SLIT3: variants seen among roughly 807,000 people sequenced by gnomAD.
SLIT3 encodes slit homolog 3 protein.
In SLIT3, 68 loss-of-function variants were observed where a neutral mutation model predicts 184.0. That is an observed-to-expected ratio of 0.37 (90% CI 0.30 to 0.45). The LOEUF is 0.45. Ranked by LOEUF, SLIT3 falls within the 20% of genes least tolerant of loss-of-function variation. The pLI, the probability that SLIT3 is intolerant of heterozygous loss-of-function variation, is 1.00. For missense variants in SLIT3, 1,707 were observed against 2,026.0 expected (o/e 0.84, Z 3.02); for synonymous variants, 831 against 828.6 (o/e 1.00, Z -0.05).
At chr5:168,973,961 C>G (rs1347541194) in intron 4 of SLIT3, among the ~76,000 whole-genome samples, 1 of 152,150 alleles carries the variant, frequency 6.6e-6, no homozygotes, top group African/African-American at 2.4e-5. Context: ...GCTAATGGAG[C>G]TCTCATGAAA....
intron 4 of SLIT3, among the ~76,000 whole-genome samples, chr5:169,042,004 C>T (rs919941018): frequency 2.0e-5 from 3 of 152,204 alleles, no homozygotes; most frequent in Non-Finnish European, 4.4e-5. Context: ...AGGCACTTCT[C>T]TGCAAGAGTG....
At chr5:169,163,308 G>A (rs2112193) in intron 4 of SLIT3, among the ~76,000 whole-genome samples, 43,023 of 151,856 alleles carry the variant, frequency 0.28, 6,609 homozygotes, top group East Asian at 0.5. Flanking sequence ...GCCACCGTGC[G>A]AGGAAAAAAA....
At chr5:169,154,344 G>A (rs1220152839) in intron 4 of SLIT3, among the ~76,000 whole-genome samples, 2 of 152,132 alleles carry the variant, frequency 1.3e-5, no homozygotes, top group African/African-American at 2.4e-5. Context: ...ACTTCTAATT[G>A]TACTTCCCTA....
chr5:169,034,002 C>T (rs755563048), intron 4 of SLIT3, among the ~76,000 whole-genome samples: 6 of 151,780 alleles, frequency 4.0e-5, no homozygotes, highest in Admixed American at 2.6e-4. Context: ...TTAGTAGAGA[C>T]GGGTTTTCAC....
At chr5:168,714,295 A>G (rs1227279225) in intron 23 of SLIT3, among the ~76,000 whole-genome samples, 6 of 152,200 alleles carry the variant, frequency 3.9e-5, no homozygotes, top group East Asian at 1.9e-4. Flanking sequence ...ACCCAGCTTT[A>G]TTGTTAGTCA....
At chr5:168,964,433 G>T (rs373059563) in intron 4 of SLIT3, among the ~76,000 whole-genome samples, 1 of 152,172 alleles carries the variant, frequency 6.6e-6, no homozygotes, top group East Asian at 1.9e-4. Context: ...AAAGCCTGGG[G>T]CATAGTTTTA....
At chr5:168,954,284 A>G (rs939827118) in intron 4 of SLIT3, among the ~76,000 whole-genome samples, 2 of 152,130 alleles carry the variant, frequency 1.3e-5, no homozygotes, top group Non-Finnish European at 2.9e-5. Flanking sequence ...AATGGACACA[A>G]TGTGAGAGGA....
chr5:168,676,012 T>TCTCTCCAC (rs1173484836), intron 32 of SLIT3, among the ~76,000 whole-genome samples: 29 of 152,162 alleles, frequency 1.9e-4, no homozygotes, highest in African/African-American at 7.0e-4. Flanking sequence ...CACCTATCCA[T>TCTCTCCAC]CTCTCCACCC....
intron 1 of SLIT3, among the ~76,000 whole-genome samples, chr5:169,263,960 G>T (rs1463862352): frequency 1.3e-5 from 2 of 149,786 alleles, no homozygotes; most frequent in Non-Finnish European, 3.0e-5. Context: ...TCTCGGGGTG[G>T]AGAAACGGGG....
intron 32 of SLIT3, among the ~76,000 whole-genome samples, chr5:168,681,512 G>C (rs1306013253): frequency 6.6e-6 from 1 of 152,230 alleles, no homozygotes; most frequent in African/African-American, 2.4e-5. Flanking sequence ...TACAGGCTCA[G>C]CATGAAGATC....
chr5:168,820,368 T>G (rs1411561544), intron 7 of SLIT3, among the ~76,000 whole-genome samples: 1 of 152,152 alleles, frequency 6.6e-6, no homozygotes, highest in African/African-American at 2.4e-5. Context: ...ACTGGCTCCG[T>G]GCTTTCTGAC....
At chr5:169,048,342 A>T (rs1294417124) in intron 4 of SLIT3, among the ~76,000 whole-genome samples, 2 of 152,222 alleles carry the variant, frequency 1.3e-5, no homozygotes, top group African/African-American at 4.8e-5. Flanking sequence ...ATAACAAACC[A>T]GGCATAACGG....
intron 32 of SLIT3, 113 bp downstream of exon 32, chr5:168,683,853 G>A (rs1354375138): frequency 9.0e-6 from 9 of 998,868 alleles, no homozygotes; most frequent in Non-Finnish European, 1.2e-5. Flanking sequence ...GCGTGGTAGG[G>A]GCGGGGAGAA....
intron 5 of SLIT3, among the ~76,000 whole-genome samples, chr5:168,860,992 T>C (rs193093608): frequency 6.6e-6 from 1 of 152,254 alleles, no homozygotes; most frequent in East Asian, 1.9e-4. Flanking sequence ...CTCTGTATCA[T>C]CCAACAGTCA....
At chr5:168,926,572 C>G (rs1357777759) in intron 4 of SLIT3, among the ~76,000 whole-genome samples, 1 of 152,206 alleles carries the variant, frequency 6.6e-6, no homozygotes, top group Non-Finnish European at 1.5e-5. Context: ...ACCTATATTT[C>G]TACAATCTGG....
At chr5:169,192,263 G>A (rs1763578378) in intron 4 of SLIT3, among the ~76,000 whole-genome samples, 1 of 152,156 alleles carries the variant, frequency 6.6e-6, no homozygotes, top group Non-Finnish European at 1.5e-5. Context: ...GGGCGACTGA[G>A]CCAGAGAGAT....
chr5:168,776,749 A>G (rs1755762810), intron 12 of SLIT3, among the ~76,000 whole-genome samples: 1 of 152,186 alleles, frequency 6.6e-6, no homozygotes, highest in Non-Finnish European at 1.5e-5. Flanking sequence ...GTGATAGAGC[A>G]GAGAAACAGG....
At chr5:168,753,727 C>T in intron 17 of SLIT3, 137 bp downstream of exon 17, 2 of 1,029,880 alleles carry the variant, frequency 1.9e-6, no homozygotes, top group Non-Finnish European at 2.8e-6. Context: ...TGTCTGATGA[C>T]TCTGACTCCA....
In SLIT3 at chr5:169,115,263, CT is replaced by C. The variant is rs549842637; in HGVS notation, c.413+78215del. The stretch of plus-strand genomic sequence containing the variant: ...TCAGAGCCAGAAGGAAGCTTGGAAG[CT>C]TTTCTTCCCCATCCCACCTAGACTC... On this transcript the variant is annotated intron_variant, in intron 4 of 35. Coordinates refer to ENST00000519560, the MANE Select transcript of SLIT3 (RefSeq NM_003062.4). Among the ~76,000 whole-genome samples, 368 of 152,236 alleles carry C rather than the reference CT, an allele frequency of 2.4e-3. 1 individual carries two copies. The highest frequency in any genetic ancestry group is 4.5e-3 in the Non-Finnish European group (307 of 68,018).
Sources: gnomAD v4.1 joint callset for allele counts (sites outside exome capture counted in the v4.1 genomes callset) on GRCh38, gnomAD v4.1.1 for gene constraint, MANE v1.5 for transcripts, NCBI Gene and HGNC (gene_info 2026-07-23, HGNC 2026-07-21) for gene names.